The following TBC1D17 variants were observed in gnomAD, a reference collection of about 807,000 sequenced individuals.
The protein encoded by TBC1D17 is TBC1 domain family member 17.
TBC1D17 carries 69 observed loss-of-function variants against 78.8 expected under a neutral mutation model. That is an observed-to-expected ratio of 0.88 (90% CI 0.72 to 1.07). The LOEUF is 1.07. TBC1D17 is among the 50% of genes least tolerant of loss of function. The pLI, the probability that TBC1D17 is intolerant of heterozygous loss-of-function variation, is 0.00. For synonymous variants in TBC1D17, 456 were observed against 358.3 expected (o/e 1.27, Z -3.08); for missense variants, 957 against 861.0 (o/e 1.11, Z -1.39).
Position 49,882,237 on chromosome 19 carries a change from C to T in TBC1D17, c.640-5C>T. The T allele has an allele frequency of 6.2e-7, 1 of 1,612,234 alleles. No homozygotes were observed. The highest frequency in any genetic ancestry group is 8.5e-7 in the Non-Finnish European group (1 of 1,179,928). ...GCCGTGACCTCCCTTTGGCCTCGTC[C>T]CCAGCGCTTCCTCCAGGATCCCTAC... On this transcript the variant is annotated splice_region_variant and splice_polypyrimidine_tract_variant and intron_variant, in intron 6 of 16. Coordinates refer to ENST00000221543, the MANE Select transcript of TBC1D17 (RefSeq NM_024682.3).
intron 5 of TBC1D17, 74 bp downstream of exon 5, chr19:49,881,549 T>C: frequency 7.0e-7 from 1 of 1,428,748 alleles, no homozygotes. Context: ...CCCTCGGGGC[T>C]GTGAAAGAAA....
chr19:49,885,839 T>C (rs537530467), intron 13 of TBC1D17, among the ~76,000 whole-genome samples: 1 of 151,904 alleles, frequency 6.6e-6, no homozygotes, highest in South Asian at 2.1e-4. Flanking sequence ...CCAGCCGTGG[T>C]GGCGCCCACC....
chr19:49,888,416 GCCTCCAGGAGCTGCCCCACAA>G lies in TBC1D17; in HGVS notation c.1747-6_1761del. ...CCGCTTTTCGCTTCTCTCATCCCGT[GCCTCCAGGAGCTGCCCCACAA>G]CGTGCAGGAGATCCTGGGGCTGGCC... On this transcript the variant is annotated splice_acceptor_variant and splice_polypyrimidine_tract_variant and coding_sequence_variant and intron_variant, in exon 17 of 17. Transcript: ENST00000221543. LOFTEE classifies it high-confidence loss of function. The G allele has an allele frequency of 6.3e-7, 1 of 1,593,396 alleles. No homozygotes were observed. Among genetic ancestry groups the G allele is most frequent in the Non-Finnish European group, 8.5e-7 (1 of 1,175,616 alleles).
chr19:49,881,099 C>A (rs1426432084), intron 4 of TBC1D17, among the ~76,000 whole-genome samples, 169 bp from the exon 5 acceptor site: 1 of 152,108 alleles, frequency 6.6e-6, no homozygotes, highest in Non-Finnish European at 1.5e-5. Context: ...GGGCCCCCTT[C>A]CCATCTTACT....
At chr19:49,888,353 A>ACCCCGACCGAC in intron 16 of TBC1D17, 36 bp downstream of exon 16, 1 of 1,369,646 alleles carries the variant, frequency 7.3e-7, no homozygotes, top group Non-Finnish European at 9.7e-7. Flanking sequence ...CCCCGCCCGA[A>ACCCCGACCGAC]CCCCGACCGA....
chr19:49,884,076 C>T (rs950818443), intron 10 of TBC1D17, among the ~76,000 whole-genome samples, 177 bp from the exon 11 acceptor site: 5 of 152,152 alleles, frequency 3.3e-5, no homozygotes, highest in African/African-American at 9.7e-5. Context: ...GGAGGCCTGG[C>T]GCCTCACAGC....
chr19:49,884,839 C>T, intron 13 of TBC1D17, 81 bp downstream of exon 13: 1 of 1,233,750 alleles, frequency 8.1e-7, no homozygotes, highest in Non-Finnish European at 1.2e-6. Context: ...ACAGTGGCAT[C>T]CTGGACATTG....
At position 49,882,957 on chromosome 19, in the gene TBC1D17, C is replaced by T; in HGVS notation, c.928-16C>T. ...AACAAGGCCCCACTGAGCTGCCTGC[C>T]CTCCTGCACCCCCAGGGTCTGAGCC... On this transcript the variant is annotated splice_polypyrimidine_tract_variant and intron_variant, in intron 8 of 16. Coordinates refer to ENST00000221543, the MANE Select transcript of TBC1D17 (RefSeq NM_024682.3). 1 of 1,601,286 alleles carries T rather than the reference C, an allele frequency of 6.2e-7. No individual in the cohort carries two copies. The highest frequency in any genetic ancestry group is 1.7e-4 in the Middle Eastern group (1 of 5,998).
rs201435692 is a variant in TBC1D17 at position 49,884,770 on chromosome 19, G to A, written c.1444+12G>A. 1.4e-5 allele frequency: 22 copies of A among 1,612,570 alleles called. No homozygotes were observed. Among genetic ancestry groups the A allele is most frequent in the South Asian group, 4.4e-5 (4 of 91,056 alleles). On this transcript the variant is annotated intron_variant, in intron 13 of 16. Coordinates refer to ENST00000221543, the MANE Select transcript of TBC1D17 (RefSeq NM_024682.3). ...CTGCGACTTCCTGGGTATGTCTCTC[G>A]GGAGGGTGGGCAGGAGACAATGGGG...
chr19:49,885,449 C>CAAAAAAAAA (rs71180658), intron 13 of TBC1D17: 1 of 96,440 alleles, frequency 1.0e-5, no homozygotes, highest in African/African-American at 3.8e-5. Context: ...AACTCCATCT[C>CAAAAAAAAA]AAAAAAAAAA....
At chr19:49,886,273 AAGTT>A (rs985057144) in intron 13 of TBC1D17, among the ~76,000 whole-genome samples, 1 of 152,198 alleles carries the variant, frequency 6.6e-6, no homozygotes, top group Non-Finnish European at 1.5e-5. Context: ...AGAAAAAAGA[AAGTT>A]AAAGTTGCTG....
At chr19:49,882,718 C>A in intron 7 of TBC1D17, 46 bp from the exon 8 acceptor site, 2 of 1,481,594 alleles carry the variant, frequency 1.3e-6, no homozygotes, top group Non-Finnish European at 1.8e-6. Context: ...GTTGGGTCCC[C>A]CCACCACCCC....
chr19:49,879,861 T>G (rs1296785723), intron 3 of TBC1D17, among the ~76,000 whole-genome samples: 1 of 146,120 alleles, frequency 6.8e-6, no homozygotes, highest in Non-Finnish European at 1.5e-5. Flanking sequence ...TTTTTTTTTT[T>G]TTTTTTTAAT....
intron 13 of TBC1D17, 32 bp downstream of exon 13, chr19:49,884,790 A>G (rs771351984): frequency 5.8e-5 from 93 of 1,592,914 alleles, no homozygotes; most frequent in Non-Finnish European, 7.6e-5. Flanking sequence ...GCAGGAGACA[A>G]TGGGGCCATA....
intron 3 of TBC1D17, among the ~76,000 whole-genome samples, chr19:49,879,675 T>G (rs1442162800): frequency 6.6e-6 from 1 of 150,472 alleles, no homozygotes; most frequent in African/African-American, 2.4e-5. Context: ...GTGGTTTTGG[T>G]TTGTATTTAC....
chr19:49,882,452 G>T, intron 7 of TBC1D17, 52 bp downstream of exon 7: 2 of 1,566,180 alleles, frequency 1.3e-6, no homozygotes, highest in Non-Finnish European at 1.7e-6. Flanking sequence ...CTCCCTGGGC[G>T]CATGATTTCA....
chr19:49,887,342 C>T (rs1464241746), intron 13 of TBC1D17, 134 bp from the exon 14 acceptor site: 1 of 854,738 alleles, frequency 1.2e-6, no homozygotes, highest in Non-Finnish European at 1.9e-6. Flanking sequence ...CTGCTCCTGC[C>T]TCACCTCCGA....
At chr19:49,887,155 T>TA (rs11429367) in intron 13 of TBC1D17, 167,695 of 351,202 alleles carry the variant, frequency 0.48, 42,399 homozygotes, top group African/African-American at 0.66. Flanking sequence ...AAATTTTTGC[T>TA]ACAGCGTATC....
At chr19:49,878,920 C>T (rs2074985165) in intron 3 of TBC1D17, 1 of 280,848 alleles carries the variant, frequency 3.6e-6, no homozygotes, top group African/African-American at 2.2e-5. Flanking sequence ...GCCTGACAGC[C>T]TACTCACCCA....
Sources: gnomAD v4.1 joint callset for allele counts (sites outside exome capture counted in the v4.1 genomes callset) on GRCh38, gnomAD v4.1.1 for gene constraint, MANE v1.5 for transcripts, NCBI Gene and HGNC (gene_info 2026-07-23, HGNC 2026-07-21) for gene names.